ENOX1: variants seen among roughly 807,000 people sequenced by gnomAD.
ENOX1 encodes the protein ecto-NOX disulfide-thiol exchanger 1, also known as candidate growth-related and time keeping constitutive hydroquinone (NADH) oxidase.
In ENOX1, 42 loss-of-function variants were observed where a neutral mutation model predicts 82.5. That is an observed-to-expected ratio of 0.51 (90% CI 0.40 to 0.66). The LOEUF (loss-of-function observed/expected upper bound fraction) is 0.66. ENOX1 is among the 30% of genes least tolerant of loss of function. The pLI is 0.00. For missense variants in ENOX1, 608 were observed against 811.6 expected (o/e 0.75, Z 3.05); for synonymous variants, 271 against 282.2 (o/e 0.96, Z 0.40).
chr13:43,639,771 T>G (rs2083558647), intron 2 of ENOX1, among the ~76,000 whole-genome samples: 1 of 152,230 alleles, frequency 6.6e-6, no homozygotes, highest in Non-Finnish European at 1.5e-5. Flanking sequence ...GGCTCATGCC[T>G]GTAATCCAGC....
At chr13:43,466,388 T>TA (rs763606576) in intron 3 of ENOX1, among the ~76,000 whole-genome samples, 4 of 152,072 alleles carry the variant, frequency 2.6e-5, no homozygotes, top group Non-Finnish European at 5.9e-5. Context: ...GTTAATATAA[T>TA]AAAAAATTCC....
chr13:43,397,415 A>G (rs2053221157), intron 5 of ENOX1, among the ~76,000 whole-genome samples: 1 of 152,224 alleles, frequency 6.6e-6, no homozygotes, highest in Non-Finnish European at 1.5e-5. Context: ...TAGGGTCCCC[A>G]TGGAGACTGG....
intron 5 of ENOX1, among the ~76,000 whole-genome samples, chr13:43,379,319 C>T (rs528047337): frequency 1.1e-4 from 16 of 151,656 alleles, no homozygotes; most frequent in South Asian, 6.3e-4. Flanking sequence ...AAAATGTGAC[C>T]AATAATAATG....
chr13:43,695,247 A>T (rs930713687), intron 1 of ENOX1, among the ~76,000 whole-genome samples: 77 of 121,944 alleles, frequency 6.3e-4, no homozygotes, highest in African/African-American at 2.0e-3. Flanking sequence ...CTCATATTTA[A>T]AAAAAAAAAA....
intron 3 of ENOX1, among the ~76,000 whole-genome samples, chr13:43,416,266 T>C (rs1179262228): frequency 6.2e-4 from 43 of 69,106 alleles, no homozygotes; most frequent in Middle Eastern, 0.012. Context: ...GTGCTCCCCA[T>C]CTCCCAGACG....
intron 3 of ENOX1, among the ~76,000 whole-genome samples, chr13:43,470,406 A>ATACACATATATATG: frequency 7.5e-6 from 1 of 133,260 alleles, no homozygotes; most frequent in Non-Finnish European, 1.6e-5. Context: ...ATGTGTATAT[A>ATACACATATATATG]TATATATATA....
chr13:43,511,295 T>G (rs2077360144), intron 2 of ENOX1, among the ~76,000 whole-genome samples: 1 of 152,180 alleles, frequency 6.6e-6, no homozygotes, highest in East Asian at 1.9e-4. Context: ...ATAAAACAGT[T>G]TCAATTTTTA....
intron 2 of ENOX1, among the ~76,000 whole-genome samples, chr13:43,490,095 C>A (rs770094975): frequency 6.6e-6 from 1 of 152,082 alleles, no homozygotes; most frequent in Non-Finnish European, 1.5e-5. Flanking sequence ...CCTGCCCCCA[C>A]GCCCAGCCAG....
At position 43,619,304 on chromosome 13, in the gene ENOX1, C is replaced by T. The variant is rs769658829; in HGVS notation, c.-219+48175G>A. ...AAGAGTGGTGGTGAGAGTGGGCATC[C>T]TTGTCTTGTTCTCATCTTGTCAGAT... On this transcript the variant is annotated intron_variant, in intron 2 of 16. Coordinates refer to ENST00000690772, the MANE Select transcript of ENOX1 (RefSeq NM_001347969.2). Among the ~76,000 whole-genome samples, 7 of 151,986 alleles carry T rather than the reference C, an allele frequency of 4.6e-5. No homozygotes were observed. The East Asian group carries it at 1.3e-3, about 29-fold the overall frequency.
chr13:43,551,427 G>A (rs1442090513), intron 2 of ENOX1, among the ~76,000 whole-genome samples: 1 of 151,842 alleles, frequency 6.6e-6, no homozygotes, highest in Non-Finnish European at 1.5e-5. Context: ...AAAGTTGTTG[G>A]AAGAAAAAAT....
intron 5 of ENOX1, among the ~76,000 whole-genome samples, chr13:43,365,053 C>T (rs1277155195): frequency 6.6e-6 from 1 of 152,218 alleles, no homozygotes; most frequent in South Asian, 2.1e-4. Context: ...CTCCCTGGAA[C>T]TCAGAGTCAG....
At chr13:43,277,308 C>G (rs2045103968) in intron 12 of ENOX1, among the ~76,000 whole-genome samples, 1 of 152,174 alleles carries the variant, frequency 6.6e-6, no homozygotes, top group Non-Finnish European at 1.5e-5. Flanking sequence ...TCATTTATAG[C>G]TGAGAGATGG....
chr13:43,238,002 G>C (rs1057015983), intron 14 of ENOX1, among the ~76,000 whole-genome samples: 2 of 152,234 alleles, frequency 1.3e-5, no homozygotes, highest in Non-Finnish European at 2.9e-5. Context: ...TGAAGACCAA[G>C]TGATGAAGAC....
intron 2 of ENOX1, among the ~76,000 whole-genome samples, chr13:43,557,629 G>A (rs2079497483): frequency 6.6e-6 from 1 of 152,086 alleles, no homozygotes; most frequent in Admixed American, 6.5e-5. Context: ...AACCGTATAA[G>A]TAGTTGAGCT....
At chr13:43,292,584 C>T (rs1220473058) in intron 12 of ENOX1, among the ~76,000 whole-genome samples, 1 of 151,378 alleles carries the variant, frequency 6.6e-6, no homozygotes, top group Non-Finnish European at 1.5e-5. Flanking sequence ...TGGTCTGCTG[C>T]ACTTTTGAGG....
At position 43,359,858 on chromosome 13, in the gene ENOX1, G is replaced by GTAA; in HGVS notation, c.579_581dup (p.Tyr194dup). 6.2e-7 allele frequency: 1 copy of GTAA among 1,614,028 alleles called. No individual in the cohort carries two copies. Among genetic ancestry groups the GTAA allele is most frequent in the Non-Finnish European group, 8.5e-7 (1 of 1,179,902 alleles). On this transcript the variant is annotated inframe_insertion, in exon 7 of 17. Transcript: ENST00000690772. ...TTATGTAATGCAAAGTACCAGAAAGGTAAATGGCTTTATCAACCATGAATT... is the reference window on the plus strand; with the variant it reads ...TTATGTAATGCAAAGTACCAGAAAGGTAATAAATGGCTTTATCAACCATGAATT...
At chr13:43,283,969 A>G (rs1450887892) in intron 12 of ENOX1, among the ~76,000 whole-genome samples, 1 of 152,110 alleles carries the variant, frequency 6.6e-6, no homozygotes, top group Non-Finnish European at 1.5e-5. Context: ...CTTTCCAGAT[A>G]TACAAAATTT....
At chr13:43,566,371 G>C (rs1593851400) in intron 2 of ENOX1, among the ~76,000 whole-genome samples, 1 of 151,980 alleles carries the variant, frequency 6.6e-6, no homozygotes. Flanking sequence ...GATATTGCAG[G>C]TATAGTAATT....
chr13:43,599,447 C>G (rs1167720679), intron 2 of ENOX1, among the ~76,000 whole-genome samples: 1 of 151,970 alleles, frequency 6.6e-6, no homozygotes, highest in Non-Finnish European at 1.5e-5. Flanking sequence ...CTAGGCAGAA[C>G]TCAACTGGCA....
Sources: gnomAD v4.1 joint callset for allele counts (sites outside exome capture counted in the v4.1 genomes callset) on GRCh38, gnomAD v4.1.1 for gene constraint, MANE v1.5 for transcripts, NCBI Gene and HGNC (gene_info 2026-07-23, HGNC 2026-07-21) for gene names.